The following RUFY2 variants were observed in gnomAD, a reference collection of about 807,000 sequenced individuals.
The protein encoded by RUFY2 is RUN and FYVE domain containing 2, also known as RUN and FYVE domain-containing protein 2.
Under a neutral mutation model 94.4 loss-of-function variants are expected in RUFY2, and 49 were observed. That is an observed-to-expected ratio of 0.52 (90% CI 0.41 to 0.66). RUFY2 has a LOEUF of 0.66. RUFY2 is among the 30% of genes least tolerant of loss of function. The pLI is 0.00. For synonymous variants in RUFY2, 255 were observed against 235.7 expected (o/e 1.08, Z -0.75); for missense variants, 541 against 692.8 (o/e 0.78, Z 2.46).
At chr10:68,348,001 C>A (rs2046399522) in intron 16 of RUFY2, among the ~76,000 whole-genome samples, 1 of 152,028 alleles carries the variant, frequency 6.6e-6, no homozygotes, top group African/African-American at 2.4e-5. Flanking sequence ...AATTTCAGGT[C>A]TTTTTGTTTC....
chr10:68,387,811 T>C (rs568199914), intron 7 of RUFY2, among the ~76,000 whole-genome samples: 5 of 146,000 alleles, frequency 3.4e-5, no homozygotes, highest in African/African-American at 1.2e-4. Flanking sequence ...AAAATCAGCC[T>C]GGCCAACATG....
At chr10:68,365,660 T>A (rs745687734) in intron 13 of RUFY2, among the ~76,000 whole-genome samples, 1 of 152,248 alleles carries the variant, frequency 6.6e-6, no homozygotes, top group Non-Finnish European at 1.5e-5. Flanking sequence ...ATATTAGAAG[T>A]GTTCTGGTCT....
chr10:68,401,664 T>G lies in RUFY2; in HGVS notation c.252A>C (p.Glu84Asp). Reference protein sequence around the residue: ...PLELVEKLYPEAEEIGASVRD... With the variant: ...PLELVEKLYPDAEEIGASVRD... ...GGACACTAGCTCCTATTTCCTCTGCTTCGGGGTACAGCTTCTCCACCAGTT... is the reference window on the plus strand; with the variant it reads ...GGACACTAGCTCCTATTTCCTCTGCGTCGGGGTACAGCTTCTCCACCAGTT... Residue 84 changes from glutamate (E) to aspartate (D), a missense_variant, in exon 3 of 18, where the codon GAA becomes GAC. By Grantham distance (45) the Glu-to-Asp change is conservative. This residue lies in a region of RUFY2 where 85 missense variants were observed against 153.4 expected (regional missense o/e 0.55). Coordinates refer to ENST00000602465, the MANE Select transcript of RUFY2 (RefSeq NM_001330103.2). 1 of 1,614,066 alleles carries G rather than the reference T, an allele frequency of 6.2e-7. No homozygotes were observed. Among genetic ancestry groups the G allele is most frequent in the Non-Finnish European group, 8.5e-7 (1 of 1,179,942 alleles).
At chr10:68,376,775 G>C in intron 13 of RUFY2, 78 bp downstream of exon 13, 2 of 1,330,142 alleles carry the variant, frequency 1.5e-6, no homozygotes, top group Non-Finnish European at 2.1e-6. Context: ...TAAAAATATT[G>C]GTATTCTATC....
rs191748631 is a variant in RUFY2 at position 68,368,204 on chromosome 10, T to C, written c.1326-4091A>G. Among the ~76,000 whole-genome samples, 70 of 151,342 alleles carry C rather than the reference T, an allele frequency of 4.6e-4. 1 individual carries two copies. Among genetic ancestry groups the C allele is most frequent in the African/African-American group, 1.7e-3 (69 of 41,360 alleles). Reference sequence around the variant, plus strand: ...GGCTGGTCTCGAACTCTTGACCTCATGATCCGCCTGCCTCAGCCTCCCAAA... The same window carrying C: ...GGCTGGTCTCGAACTCTTGACCTCACGATCCGCCTGCCTCAGCCTCCCAAA... On this transcript the variant is annotated intron_variant, in intron 13 of 17. Transcript: ENST00000602465.
At chr10:68,397,130 C>T (rs1236195235) in intron 3 of RUFY2, among the ~76,000 whole-genome samples, 1 of 152,152 alleles carries the variant, frequency 6.6e-6, no homozygotes, top group East Asian at 1.9e-4. Flanking sequence ...TAGTGTGTCA[C>T]TTAATGATAC....
chr10:68,390,120 A>G (rs973491769), intron 7 of RUFY2, among the ~76,000 whole-genome samples: 1 of 152,204 alleles, frequency 6.6e-6, no homozygotes, highest in Non-Finnish European at 1.5e-5. Flanking sequence ...ACAAGCTTGC[A>G]TTTAGAAATA....
At chr10:68,368,096 G>A (rs544111560) in intron 13 of RUFY2, among the ~76,000 whole-genome samples, 28 of 151,576 alleles carry the variant, frequency 1.8e-4, no homozygotes, top group African/African-American at 6.8e-4. Flanking sequence ...CTTCTGAGTA[G>A]CTGGGATTAC....
chr10:68,360,744 T>C (rs1348219441), intron 15 of RUFY2, among the ~76,000 whole-genome samples: 1 of 151,224 alleles, frequency 6.6e-6, no homozygotes, highest in South Asian at 2.1e-4. Context: ...CGAGACTCCA[T>C]CTCAAAAAAC....
chr10:68,380,861 C>CA (rs993144085), intron 11 of RUFY2, among the ~76,000 whole-genome samples: 8 of 148,642 alleles, frequency 5.4e-5, no homozygotes, highest in Non-Finnish European at 4.5e-5. Context: ...GACTCCATCT[C>CA]AAAAAAAAAC....
In RUFY2 at chr10:68,346,161, TTATTTA is replaced by T. The variant is rs2046257980; in HGVS notation, c.1600-83_1600-78del. 7 of 1,044,488 alleles carry T rather than the reference TTATTTA, an allele frequency of 6.7e-6. No individual in the cohort carries two copies. In the South Asian group the frequency reaches 1.0e-4, roughly 15 times the overall value. 64.7% of individuals were successfully genotyped at this position (1,044,488 alleles called of 1,614,324 possible). ...GTGAAAACTTTTTCCCCCAAGAACA[TTATTTA>T]TAGGAATAGATATATGAAGAATGGA... On this transcript the variant is annotated intron_variant, in intron 16 of 17. Transcript: ENST00000602465.
At chr10:68,387,372 T>C (rs2049588397) in intron 7 of RUFY2, among the ~76,000 whole-genome samples, 1 of 151,954 alleles carries the variant, frequency 6.6e-6, no homozygotes, top group African/African-American at 2.4e-5. Flanking sequence ...AAAAAGAATG[T>C]TGTCCAAGGC....
chr10:68,382,890 A>G (rs544473146), intron 10 of RUFY2, among the ~76,000 whole-genome samples: 1 of 152,262 alleles, frequency 6.6e-6, no homozygotes, highest in Admixed American at 6.5e-5. Flanking sequence ...ATATTTCACA[A>G]TTTCAAAGGT....
chr10:68,407,030 C>T, intron 1 of RUFY2, 156 bp downstream of exon 1: 8 of 1,484,808 alleles, frequency 5.4e-6, no homozygotes, highest in South Asian at 4.0e-5. Flanking sequence ...CCCGGGAGCC[C>T]CCGAGTCCCA....
chr10:68,396,364 T>C (rs1379733532), intron 4 of RUFY2, among the ~76,000 whole-genome samples: 2 of 140,344 alleles, frequency 1.4e-5, no homozygotes, highest in Non-Finnish European at 3.1e-5. Flanking sequence ...ATTCAAATTC[T>C]AAAAAAAAAA....
intron 7 of RUFY2, among the ~76,000 whole-genome samples, chr10:68,392,926 CA>C (rs11432211): frequency 0.033 from 2,612 of 78,558 alleles, 52 homozygotes; most frequent in African/African-American, 0.09. Context: ...GACTTCATCT[CA>C]AAAAAAAAAA....
chr10:68,370,104 C>G lies in RUFY2; in HGVS notation c.1326-5991G>C, dbSNP rs1589851693. On this transcript the variant is annotated intron_variant, in intron 13 of 17. Transcript: ENST00000602465. ...CTCGAGACCAGCCTGACCAACATGG[C>G]AAAACCTCATCTCTACAAAAAATAC... is the stretch of plus-strand genomic sequence containing the variant. Among the ~76,000 whole-genome samples, 3 of 151,846 alleles carry G rather than the reference C, an allele frequency of 2.0e-5. No homozygotes were observed. In the East Asian group the frequency reaches 5.8e-4, roughly 29 times the overall value.
rs767271349 is a variant in RUFY2, at chr10:68,381,248, A to G, written c.1091T>C (p.Met364Thr). 10 of 1,606,618 alleles carry G rather than the reference A, an allele frequency of 6.2e-6. No individual in the cohort carries two copies. The Middle Eastern group carries it at 5.0e-4, about 80-fold the overall frequency. Residue 364 changes from methionine (M) to threonine (T), a missense_variant, in exon 11 of 18, where the codon ATG becomes ACG. Physicochemically the swap from Met to Thr is moderately conservative, Grantham distance 81. Coordinates refer to ENST00000602465, the MANE Select transcript of RUFY2 (RefSeq NM_001330103.2). ...LEEVKAINIE[M>T]YQKLQGSEDG... Reference sequence around the variant, plus strand: ...AATCCTTACCTGCAACTTTTGATACATCTCTATGTTAATTGCTTTAACTTC... The same window carrying G: ...AATCCTTACCTGCAACTTTTGATACGTCTCTATGTTAATTGCTTTAACTTC...
At chr10:68,341,661 C>G (rs1378400797), downstream of RUFY2, 3 of 1,612,898 alleles carry the variant, frequency 1.9e-6, no homozygotes, top group Non-Finnish European at 2.5e-6. Flanking sequence ...GAATGGGAGG[C>G]TACGGAAGAG....
Sources: allele counts gnomAD v4.1 joint callset (sites outside exome capture counted in the v4.1 genomes callset), GRCh38; gene constraint gnomAD v4.1.1; regional missense constraint gnomAD v4.1.1; transcripts MANE v1.5; gene names NCBI Gene and HGNC (gene_info 2026-07-23, HGNC 2026-07-21).